SPAG16: variants seen among roughly 807,000 people sequenced by gnomAD.
SPAG16 encodes the protein sperm-associated antigen 16 protein.
Under a neutral mutation model 80.4 loss-of-function variants are expected in SPAG16, and 86 were observed. The ratio of observed to expected loss-of-function variants is 1.07; its 90% CI spans 0.90 to 1.28. SPAG16 has a LOEUF of 1.28. Among genes scored for constraint, SPAG16 ranks in the 50% most tolerant of loss-of-function variants. The pLI, the probability that SPAG16 is intolerant of heterozygous loss-of-function variation, is 0.00. For missense variants in SPAG16, 870 were observed against 765.3 expected (o/e 1.14, Z -1.61); for synonymous variants, 294 against 265.9 (o/e 1.11, Z -1.03).
chr2:213,944,819 G>T (rs1291537397), intron 12 of SPAG16, among the ~76,000 whole-genome samples: 1 of 152,046 alleles, frequency 6.6e-6, no homozygotes, highest in Non-Finnish European at 1.5e-5. Context: ...CTCTTGAATG[G>T]GAGTTGTGCC....
intron 10 of SPAG16, among the ~76,000 whole-genome samples, chr2:213,794,270 G>GT (rs927910817): frequency 8.6e-5 from 13 of 151,924 alleles, no homozygotes; most frequent in African/African-American, 1.2e-4. Context: ...ATTTTCAGCA[G>GT]TTTTTTCTGT....
chr2:213,766,837 G>A (rs1363708454), intron 10 of SPAG16, among the ~76,000 whole-genome samples: 5 of 152,202 alleles, frequency 3.3e-5, no homozygotes, highest in African/African-American at 1.2e-4. Context: ...GCTAGCTAGA[G>A]AGGACTGAAT....
intron 15 of SPAG16, among the ~76,000 whole-genome samples, chr2:214,348,173 G>T (rs1698181463): frequency 6.6e-6 from 1 of 152,180 alleles, no homozygotes; most frequent in African/African-American, 2.4e-5. Context: ...ATGAAGAGGA[G>T]TGATAACCTA....
At chr2:213,377,013 T>C (rs1455991783) in intron 9 of SPAG16, among the ~76,000 whole-genome samples, 1 of 152,192 alleles carries the variant, frequency 6.6e-6, no homozygotes. Context: ...GATTGCTTTT[T>C]CTGTTTTCCT....
intron 11 of SPAG16, among the ~76,000 whole-genome samples, chr2:213,925,845 A>G (rs1020079098): frequency 6.6e-6 from 1 of 152,212 alleles, no homozygotes; most frequent in Non-Finnish European, 1.5e-5. Flanking sequence ...TTTCTAACAC[A>G]TATTTATCAC....
chr2:213,643,447 C>T (rs1455536482), intron 10 of SPAG16, among the ~76,000 whole-genome samples: 1 of 123,064 alleles, frequency 8.1e-6, no homozygotes, highest in Non-Finnish European at 1.7e-5. Context: ...CTTTCTTTAT[C>T]TTTCATCTTT....
rs537900974 is a variant in SPAG16 at position 214,259,960 on chromosome 2, G to A, written c.1720+110694G>A. Among the ~76,000 whole-genome samples, 135 of 152,120 alleles carry A rather than the reference G, an allele frequency of 8.9e-4. 1 individual carries two copies. Among genetic ancestry groups the A allele is most frequent in the African/African-American group, 3.1e-3 (128 of 41,510 alleles). On this transcript the variant is annotated intron_variant, in intron 15 of 15. Transcript: ENST00000331683. Reference sequence around the variant, plus strand: ...TCAAATCCCTTTGTTAAAGAACTGCGCCATTTTACTAAGATTATGTAATTT... The same window carrying A: ...TCAAATCCCTTTGTTAAAGAACTGCACCATTTTACTAAGATTATGTAATTT...
At chr2:213,899,871 A>G (rs2077146968) in intron 11 of SPAG16, among the ~76,000 whole-genome samples, 1 of 152,114 alleles carries the variant, frequency 6.6e-6, no homozygotes, top group Admixed American at 6.6e-5. Context: ...TAATTATTTA[A>G]AAAATATTGA....
At chr2:213,916,757 G>A (rs562261819) in intron 11 of SPAG16, among the ~76,000 whole-genome samples, 15 of 152,220 alleles carry the variant, frequency 9.9e-5, no homozygotes, top group African/African-American at 3.4e-4. Flanking sequence ...TGATTACTCT[G>A]CTGACAGTTT....
chr2:213,436,393 G>A (rs895336307), intron 9 of SPAG16, among the ~76,000 whole-genome samples: 2 of 152,006 alleles, frequency 1.3e-5, no homozygotes, highest in African/African-American at 4.8e-5. Flanking sequence ...GGGGATTTGG[G>A]GGCAGTTAGA....
At chr2:213,637,641 G>C (rs1178136702) in intron 10 of SPAG16, among the ~76,000 whole-genome samples, 1 of 151,998 alleles carries the variant, frequency 6.6e-6, no homozygotes, top group Non-Finnish European at 1.5e-5. Context: ...TCTGTTGAGA[G>C]TTTCCTTTTT....
At chr2:213,985,497 A>G (rs1462754120) in intron 12 of SPAG16, among the ~76,000 whole-genome samples, 2 of 152,116 alleles carry the variant, frequency 1.3e-5, no homozygotes, top group Non-Finnish European at 2.9e-5. Flanking sequence ...TTTTTGTTGT[A>G]GCAGTAGGGT....
At position 213,357,788 on chromosome 2, in the gene SPAG16, A is replaced by G. The variant is rs148535834; in HGVS notation, c.763-6288A>G. ...GTTAATATTGTTATGTGTGAATTCAATCCTGTCATTATGATGTTCGCTGGT... is the reference window on the plus strand; with the variant it reads ...GTTAATATTGTTATGTGTGAATTCAGTCCTGTCATTATGATGTTCGCTGGT... On this transcript the variant is annotated intron_variant, in intron 7 of 15. Transcript: ENST00000331683. Among the ~76,000 whole-genome samples, 26 of 152,276 alleles carry G rather than the reference A, an allele frequency of 1.7e-4. No homozygotes were observed. The East Asian group carries it at 4.8e-3, about 28-fold the overall frequency.
chr2:214,239,930 C>G (rs1008776731), intron 15 of SPAG16: 2 of 151,886 alleles, frequency 1.3e-5, no homozygotes, highest in African/African-American at 2.4e-5. Context: ...AAAAAATGAC[C>G]AAGAAAAGCC....
At chr2:213,937,458 C>A (rs1250791161) in intron 12 of SPAG16, among the ~76,000 whole-genome samples, 1 of 151,698 alleles carries the variant, frequency 6.6e-6, no homozygotes, top group East Asian at 1.9e-4. Flanking sequence ...CTTAAATTGA[C>A]CTCTTGTGAT....
chr2:214,341,016 C>CAGAG (rs1250194390), intron 15 of SPAG16, among the ~76,000 whole-genome samples: 3 of 152,088 alleles, frequency 2.0e-5, no homozygotes, highest in African/African-American at 7.2e-5. Flanking sequence ...CATTGGAAAA[C>CAGAG]AGAGAGATCT....
rs919574559 is a variant in SPAG16, at chr2:213,479,918, C to T, written c.943-10045C>T. ...CATGTTTCCATGTTGAGGTGATCTACGTGTTAAACATGTAGAATATATCTC... is the reference window on the plus strand; with the variant it reads ...CATGTTTCCATGTTGAGGTGATCTATGTGTTAAACATGTAGAATATATCTC... On this transcript the variant is annotated intron_variant, in intron 9 of 15. Transcript: ENST00000331683. Among the ~76,000 whole-genome samples the T allele has an allele frequency of 3.9e-5, 6 of 152,188 alleles. No individual in the cohort carries two copies. In the South Asian group the frequency reaches 1.0e-3, roughly 26 times the overall value.
chr2:214,372,721 T>A (rs1188317292), intron 15 of SPAG16, among the ~76,000 whole-genome samples: 2 of 152,164 alleles, frequency 1.3e-5, no homozygotes, highest in Non-Finnish European at 2.9e-5. Context: ...TGTTTTATAA[T>A]ATCATGACTT....
rs544697422 is a variant in SPAG16, at chr2:213,970,946, A to T, written c.1400+40801A>T. 7.5e-4 allele frequency among the ~76,000 whole-genome samples: 114 copies of T among 152,282 alleles called. No individual in the cohort carries two copies. In the South Asian group the frequency reaches 0.013, roughly 18 times the overall value. On this transcript the variant is annotated intron_variant, in intron 12 of 15. Transcript: ENST00000331683. ...TTCCTACACTAATCATATTAATGTT[A>T]TACTTGTTTTGATACCAAATAAAGT...
Sources: gnomAD v4.1 joint callset for allele counts (sites outside exome capture counted in the v4.1 genomes callset) on GRCh38, gnomAD v4.1.1 for gene constraint, MANE v1.5 for transcripts, NCBI Gene and HGNC (gene_info 2026-07-23, HGNC 2026-07-21) for gene names.